The following XIRP2 variants were observed in gnomAD, a reference collection of about 807,000 sequenced individuals.
XIRP2 encodes the protein xin actin-binding repeat-containing protein 2.
In XIRP2, 236 loss-of-function variants were observed where a neutral mutation model predicts 277.0. The observed-to-expected ratio is 0.85, with a 90% confidence interval of 0.77 to 0.95. The LOEUF is 0.95. Ranked by LOEUF, XIRP2 falls within the 40% of genes least tolerant of loss-of-function variation. The probability of loss-of-function intolerance (pLI) is 0.00; values close to 1 mark genes in which losing one functional copy is unlikely to be tolerated. For synonymous variants in XIRP2, 1,490 were observed against 1,416.5 expected (o/e 1.05, Z -1.17); for missense variants, 4,640 against 4,157.5 (o/e 1.12, Z -3.19).
At chr2:167,111,315 A>AT (rs1397564276) in intron 2 of XIRP2, among the ~76,000 whole-genome samples, 2 of 152,174 alleles carry the variant, frequency 1.3e-5, no homozygotes, top group African/African-American at 4.8e-5. Context: ...TAGGTTTGTC[A>AT]TAGATGGCTC....
At chr2:167,206,145 TTCCA>T (rs1693846231) in intron 3 of XIRP2, among the ~76,000 whole-genome samples, 1 of 152,208 alleles carries the variant, frequency 6.6e-6, no homozygotes, top group Non-Finnish European at 1.5e-5. Context: ...ATTTTTCTTT[TTCCA>T]TGAACTTAAA....
At chr2:167,154,352 G>C (rs1039889688) in intron 3 of XIRP2, among the ~76,000 whole-genome samples, 3 of 151,322 alleles carry the variant, frequency 2.0e-5, no homozygotes, top group Non-Finnish European at 2.9e-5. Flanking sequence ...CTTCCATTTT[G>C]TAGGTTGCCT....
intron 2 of XIRP2, among the ~76,000 whole-genome samples, chr2:167,120,179 T>C (rs1279872636): frequency 3.3e-5 from 5 of 152,234 alleles, no homozygotes; most frequent in Non-Finnish European, 1.5e-5. Flanking sequence ...CTTTAGAAAA[T>C]ACGAGGCCCT....
chr2:166,926,791 C>G (rs1685199336), intron 2 of XIRP2, among the ~76,000 whole-genome samples: 1 of 152,038 alleles, frequency 6.6e-6, no homozygotes. Flanking sequence ...AACATCAGCC[C>G]CGAACAATGT....
rs761760276 is a variant in XIRP2, at chr2:167,247,413, C to T, written c.6021C>T (p.Gly2007=). 1.5e-5 allele frequency: 24 copies of T among 1,613,510 alleles called. No homozygotes were observed. Among genetic ancestry groups the T allele is most frequent in the Non-Finnish European group, 1.9e-5 (23 of 1,179,758 alleles). Residue 2007 remains glycine, a synonymous_variant, in exon 9 of 11, where the codon GGC becomes GGT. Coordinates refer to ENST00000409195, the MANE Select transcript of XIRP2 (RefSeq NM_152381.6). ...LSQTMGKSCH[G]NLVEERTEVN... is the part of the protein sequence containing the mutation. Reference sequence around the variant, plus strand: ...AAACTATGGGGAAATCTTGCCATGGCAATTTAGTAGAAGAAAGAACTGAGG... The same window carrying T: ...AAACTATGGGGAAATCTTGCCATGGTAATTTAGTAGAAGAAAGAACTGAGG...
rs67331269 is a variant in XIRP2, at chr2:166,939,698, AC to A, written c.408+35809del. On this transcript the variant is annotated intron_variant, in intron 2 of 10. Transcript: ENST00000409195. ...CCATCACAAAAAAAAAAAAAAAAAAACAAAAAACAAAAACAAAAAACAAAAC... is the reference window on the plus strand; with the variant it reads ...CCATCACAAAAAAAAAAAAAAAAAAAAAAAAACAAAAACAAAAAACAAAAC... 2.4e-3 allele frequency among the ~76,000 whole-genome samples: 319 copies of A among 134,670 alleles called. 1 individual carries two copies. Among genetic ancestry groups the A allele is most frequent in the African/African-American group, 7.7e-3 (278 of 36,216 alleles). 88.3% of individuals were successfully genotyped at this position (134,670 alleles called of 152,430 possible). A position where few individuals can be genotyped will look rare whatever the true frequency, so the allele number is the denominator to read the frequency against.
chr2:166,951,453 T>C lies in XIRP2; in HGVS notation c.408+47563T>C, dbSNP rs1574108510. ...AGGGGAGAGGAGGTTCCACACACTT[T>C]TAAGCATTTTAAGGCAGAGGTTGCA... is the stretch of plus-strand genomic sequence containing the variant. On this transcript the variant is annotated intron_variant, in intron 2 of 10. Coordinates refer to ENST00000409195, the MANE Select transcript of XIRP2 (RefSeq NM_152381.6). 2.0e-5 allele frequency among the ~76,000 whole-genome samples: 3 copies of C among 151,670 alleles called. No homozygotes were observed. In the East Asian group the frequency reaches 5.9e-4, roughly 30 times the overall value.
intron 3 of XIRP2, among the ~76,000 whole-genome samples, chr2:167,182,682 T>C (rs1379764890): frequency 6.6e-6 from 1 of 152,208 alleles, no homozygotes; most frequent in Non-Finnish European, 1.5e-5. Flanking sequence ...ATCCTCAGTT[T>C]CTTTCTATAA....
chr2:167,243,435 TA>T lies in XIRP2; in HGVS notation c.2045del (p.Lys682ArgfsTer3). ...AAGAAGAATCAGCGGTAACTATCAGTAAGGACATAACTGGGGGGGATGTCAA... is the reference window on the plus strand; with the variant it reads ...AAGAAGAATCAGCGGTAACTATCAGTAGGACATAACTGGGGGGGATGTCAA... ...SQEESAVTIS[K>X]DITGGDVKTV... On this transcript the variant is annotated frameshift_variant, in exon 9 of 11. Transcript: ENST00000409195. LOFTEE classifies it high-confidence loss of function. 1 of 1,613,964 alleles carries T rather than the reference TA, an allele frequency of 6.2e-7. No homozygotes were observed. Among genetic ancestry groups the T allele is most frequent in the Non-Finnish European group, 8.5e-7 (1 of 1,179,962 alleles).
chr2:167,176,407 T>A (rs115005548), intron 3 of XIRP2, among the ~76,000 whole-genome samples: 4,720 of 152,284 alleles, frequency 0.031, 86 homozygotes, highest in Non-Finnish European at 0.046. Context: ...CCTTCTGCAT[T>A]GATCTCGCTG....
At chr2:166,901,073 G>GT (rs1371234713) in intron 1 of XIRP2, among the ~76,000 whole-genome samples, 4 of 152,082 alleles carry the variant, frequency 2.6e-5, no homozygotes, top group African/African-American at 9.7e-5. Context: ...TTTAGTTGTG[G>GT]TTTTTCATGT....
intron 2 of XIRP2, among the ~76,000 whole-genome samples, chr2:167,087,969 C>G (rs1002879804): frequency 6.6e-6 from 1 of 152,086 alleles, no homozygotes; most frequent in African/African-American, 2.4e-5. Context: ...CTCCTCCCCA[C>G]CATGTATTTT....
At chr2:166,984,814 T>C (rs1309497384) in intron 2 of XIRP2, among the ~76,000 whole-genome samples, 1 of 152,246 alleles carries the variant, frequency 6.6e-6, no homozygotes, top group East Asian at 1.9e-4. Context: ...AGTGGAGTTC[T>C]GATATTGAGG....
intron 2 of XIRP2, among the ~76,000 whole-genome samples, chr2:167,039,597 A>G (rs557108838): frequency 1.3e-5 from 2 of 152,326 alleles, no homozygotes; most frequent in African/African-American, 4.8e-5. Flanking sequence ...ACAATCTCAC[A>G]CACACACACA....
intron 3 of XIRP2, among the ~76,000 whole-genome samples, chr2:167,188,682 AT>A (rs1290780283): frequency 6.6e-6 from 1 of 152,166 alleles, no homozygotes; most frequent in African/African-American, 2.4e-5. Context: ...ATCTTTGAGT[AT>A]TTTTTCTTCT....
chr2:167,063,689 C>A (rs1448802904), intron 2 of XIRP2, among the ~76,000 whole-genome samples: 1 of 151,642 alleles, frequency 6.6e-6, no homozygotes, highest in African/African-American at 2.4e-5. Context: ...TCACTTTACC[C>A]TTAGTAATAC....
At chr2:166,945,934 A>T (rs1685851864) in intron 2 of XIRP2, among the ~76,000 whole-genome samples, 1 of 151,908 alleles carries the variant, frequency 6.6e-6, no homozygotes, top group Admixed American at 6.6e-5. Context: ...ACAGTGGGAG[A>T]ACCAAAGTAT....
chr2:167,257,984 A>C lies in XIRP2; in HGVS notation c.*167A>C, dbSNP rs1485799775. On this transcript the variant is annotated 3_prime_UTR_variant, in exon 11 of 11. Transcript: ENST00000409195. ...GCAGCATAAAGATAGATGGAACTGC[A>C]AAAACCAAAGCAGATCAGTGGACTT... The C allele has an allele frequency of 3.1e-6, 5 of 1,613,172 alleles. No homozygotes were observed. The Admixed American group carries it at 5.0e-5, about 16-fold the overall frequency.
intron 2 of XIRP2, among the ~76,000 whole-genome samples, chr2:167,028,513 C>A: frequency 6.6e-6 from 1 of 152,106 alleles, no homozygotes; most frequent in African/African-American, 2.4e-5. Context: ...TTGGGTTGCC[C>A]CTTAATGCAG....
Sources: gnomAD v4.1 joint callset for allele counts (sites outside exome capture counted in the v4.1 genomes callset) on GRCh38, gnomAD v4.1.1 for gene constraint, MANE v1.5 for transcripts, NCBI Gene and HGNC (gene_info 2026-07-23, HGNC 2026-07-21) for gene names.